Variants in DCC observed in about 807,000 individuals in gnomAD.
The protein encoded by DCC is DCC netrin 1 receptor, also known as netrin receptor DCC.
DCC carries 58 observed loss-of-function variants against 172.5 expected under a neutral mutation model. The observed-to-expected ratio is 0.34, with a 90% CI of 0.27 to 0.42. DCC has a LOEUF of 0.42. DCC is among the 10% of genes least tolerant of loss of function. DCC has a pLI of 1.00. For missense variants in DCC, 1,740 were observed against 1,791.0 expected (o/e 0.97, Z 0.51); for synonymous variants, 709 against 644.5 (o/e 1.10, Z -1.52).
chr18:53,294,264 T>C (rs1240376176), intron 12 of DCC, among the ~76,000 whole-genome samples: 3 of 152,212 alleles, frequency 2.0e-5, no homozygotes, highest in African/African-American at 7.2e-5. Flanking sequence ...GTTGATTGTA[T>C]ACACTTGAAA....
At chr18:53,046,814 T>A (rs924113654) in intron 5 of DCC, among the ~76,000 whole-genome samples, 6 of 151,916 alleles carry the variant, frequency 3.9e-5, no homozygotes, top group Admixed American at 2.0e-4. Flanking sequence ...ACCTTCTAGA[T>A]CTTCAAAATA....
chr18:52,712,119 C>A (rs1382850642), intron 1 of DCC, among the ~76,000 whole-genome samples: 2 of 152,118 alleles, frequency 1.3e-5, no homozygotes, highest in Non-Finnish European at 2.9e-5. Context: ...CACCACCACA[C>A]CCAGCTAATT....
At chr18:52,436,336 A>T (rs566109969) in intron 1 of DCC, among the ~76,000 whole-genome samples, 2 of 152,342 alleles carry the variant, frequency 1.3e-5, no homozygotes, top group South Asian at 4.1e-4. Flanking sequence ...TGAGACAGAC[A>T]TTAGTGGCAA....
chr18:53,256,027 G>T (rs1267871575), intron 12 of DCC, among the ~76,000 whole-genome samples: 1 of 152,150 alleles, frequency 6.6e-6, no homozygotes, highest in East Asian at 1.9e-4. Flanking sequence ...AGAAGTGTCT[G>T]TTCATGTCCT....
intron 16 of DCC, among the ~76,000 whole-genome samples, chr18:53,387,244 ACTAT>A (rs1908229452): frequency 6.6e-6 from 1 of 152,184 alleles, no homozygotes; most frequent in African/African-American, 2.4e-5. Context: ...TCATTCATAG[ACTAT>A]CTTAAGAATA....
chr18:52,445,188 G>A (rs1988085220), intron 1 of DCC, among the ~76,000 whole-genome samples: 1 of 152,098 alleles, frequency 6.6e-6, no homozygotes, highest in Non-Finnish European at 1.5e-5. Flanking sequence ...CCTTTCAAGA[G>A]AATTTATGGA....
chr18:52,898,311 C>G (rs374819262), intron 2 of DCC, among the ~76,000 whole-genome samples: 2 of 152,112 alleles, frequency 1.3e-5, no homozygotes, highest in African/African-American at 4.8e-5. Flanking sequence ...GGCTAGAGGG[C>G]AAATCGGAAG....
intron 1 of DCC, among the ~76,000 whole-genome samples, chr18:52,583,735 A>G (rs1178867017): frequency 6.6e-6 from 1 of 152,234 alleles, no homozygotes; most frequent in Admixed American, 6.5e-5. Context: ...GTTAACAGTA[A>G]TTCTGGTTGT....
At chr18:52,726,964 A>C (rs1319387401) in intron 1 of DCC, among the ~76,000 whole-genome samples, 1 of 152,194 alleles carries the variant, frequency 6.6e-6, no homozygotes, top group Non-Finnish European at 1.5e-5. Context: ...GAAAACTCCT[A>C]ATGCTTAAAA....
intron 1 of DCC, among the ~76,000 whole-genome samples, chr18:52,355,913 A>C (rs1222835394): frequency 1.3e-5 from 2 of 151,992 alleles, no homozygotes; most frequent in Admixed American, 6.6e-5. Flanking sequence ...ATAGGACCTG[A>C]CCCTATGTGG....
intron 1 of DCC, among the ~76,000 whole-genome samples, chr18:52,495,850 C>T (rs906022514): frequency 4.0e-4 from 60 of 151,408 alleles, no homozygotes; most frequent in African/African-American, 1.3e-3. Context: ...GTGGCTTTGA[C>T]ATCAGGGAAT....
At chr18:52,935,313 T>A (rs1466126839) in intron 5 of DCC, among the ~76,000 whole-genome samples, 1 of 152,126 alleles carries the variant, frequency 6.6e-6, no homozygotes, top group Admixed American at 6.6e-5. Flanking sequence ...ATTTAATAAT[T>A]ACTAAGTGTA....
chr18:53,486,236 G>A (rs1599205742), intron 25 of DCC, among the ~76,000 whole-genome samples: 1 of 152,088 alleles, frequency 6.6e-6, no homozygotes, highest in Non-Finnish European at 1.5e-5. Flanking sequence ...CACTTAATAT[G>A]TCACTCACCT....
chr18:53,259,466 C>A (rs562116766), intron 12 of DCC, among the ~76,000 whole-genome samples: 18 of 152,190 alleles, frequency 1.2e-4, no homozygotes, highest in South Asian at 2.1e-4. Flanking sequence ...TCCTTCACTT[C>A]TGAAGCTTAG....
chr18:53,300,994 T>TTCTTTCTTTCTTTCTTTTC lies in DCC; in HGVS notation c.1912-4583_1912-4582insCTTTCTTTCTTTCTTTTCT, dbSNP rs1555649245. Among the ~76,000 whole-genome samples, 128 of 134,706 alleles carry TTCTTTCTTTCTTTCTTTTC rather than the reference T, an allele frequency of 9.5e-4. 5 individuals are homozygous for TTCTTTCTTTCTTTCTTTTC. Among genetic ancestry groups the TTCTTTCTTTCTTTCTTTTC allele is most frequent in the African/African-American group, 3.4e-3 (118 of 34,888 alleles). The allele number at this position is 134,706 out of a possible 152,430, so 88.4% of individuals were successfully genotyped here. ...CTTTCTTTCTTTCTTTCTTTCTTTT[T>TTCTTTCTTTCTTTCTTTTC]TTTTCTTTTCTTTCTTTTCACTCTT... On this transcript the variant is annotated intron_variant, in intron 12 of 28. Transcript: ENST00000442544.
chr18:52,725,227 A>C (rs2036533991), intron 1 of DCC, among the ~76,000 whole-genome samples: 1 of 152,148 alleles, frequency 6.6e-6, no homozygotes, highest in African/African-American at 2.4e-5. Flanking sequence ...AAATGCTCAG[A>C]AAGTTGGTGT....
intron 1 of DCC, among the ~76,000 whole-genome samples, chr18:52,729,046 G>C (rs555944679): frequency 6.6e-6 from 1 of 152,038 alleles, no homozygotes; most frequent in African/African-American, 2.4e-5. Context: ...AATTTGTTTT[G>C]GTTCTTTTTT....
intron 25 of DCC, among the ~76,000 whole-genome samples, chr18:53,485,482 TA>T (rs1222159101): frequency 6.6e-6 from 1 of 152,122 alleles, no homozygotes; most frequent in East Asian, 1.9e-4. Flanking sequence ...TTTATATTTT[TA>T]TTCAATTTAT....
At chr18:53,367,807 G>A (rs1307323323) in intron 15 of DCC, among the ~76,000 whole-genome samples, 1 of 152,072 alleles carries the variant, frequency 6.6e-6, no homozygotes, top group Non-Finnish European at 1.5e-5. Flanking sequence ...ATTTCACTTA[G>A]CATAAGGGCC....
Sources: allele counts gnomAD v4.1 joint callset (sites outside exome capture counted in the v4.1 genomes callset), GRCh38; gene constraint gnomAD v4.1.1; transcripts MANE v1.5; gene names NCBI Gene and HGNC (gene_info 2026-07-23, HGNC 2026-07-21).